The following DHRSX variants were observed in gnomAD, a reference collection of about 807,000 sequenced individuals.
DHRSX encodes the protein polyprenol dehydrogenase.
In DHRSX, 31 loss-of-function variants were observed where a neutral mutation model predicts 34.0. The ratio of observed to expected loss-of-function variants is 0.91; its 90% CI spans 0.69 to 1.23. DHRSX has a LOEUF of 1.23. Among genes scored for constraint, DHRSX ranks in the 50% most tolerant of loss-of-function variants. The pLI, the probability that DHRSX is intolerant of heterozygous loss-of-function variation, is 0.00. For synonymous variants in DHRSX, 201 were observed against 183.8 expected, an observed-to-expected ratio of 1.09 and a Z score of -0.76; for missense variants, 414 against 428.1, an observed-to-expected ratio of 0.97 and a Z score of 0.29.
chrX:2,277,159 A>G (rs1226618480), intron 4 of DHRSX, among the ~76,000 whole-genome samples: 2 of 4,806 alleles, frequency 4.2e-4, no homozygotes, highest in Non-Finnish European at 1.5e-3. Flanking sequence ...GAAATAGGGG[A>G]AAGAGAGAAA....
At position 2,443,686 on chromosome X, in the gene DHRSX, G is replaced by A. The variant is rs1226465144; in HGVS notation, c.110-18382C>T. On this transcript the variant is annotated intron_variant, in intron 1 of 6. Coordinates refer to ENST00000334651, the MANE Select transcript of DHRSX (RefSeq NM_145177.3). Reference sequence around the variant, plus strand: ...TTCTTTCCAACAGTGAGAATAACTCGTGTGAGAGAAGATGAGATGGTAAAA... The same window carrying A: ...TTCTTTCCAACAGTGAGAATAACTCATGTGAGAGAAGATGAGATGGTAAAA... Among the ~76,000 whole-genome samples, 12 of 152,194 alleles carry A rather than the reference G, an allele frequency of 7.9e-5. No homozygotes were observed. The South Asian group carries it at 2.3e-3, about 29-fold the overall frequency.
intron 1 of DHRSX, among the ~76,000 whole-genome samples, chrX:2,441,706 C>T (rs759280760): frequency 2.8e-4 from 43 of 152,208 alleles, no homozygotes; most frequent in African/African-American, 7.9e-4. Flanking sequence ...GAACAGCTAT[C>T]GGCTTCACTC....
intron 1 of DHRSX, chrX:2,490,282 C>T (rs2045098883): frequency 1.2e-6 from 2 of 1,613,558 alleles, no homozygotes; most frequent in African/African-American, 2.7e-5. Context: ...TGAAGGTGGG[C>T]TCGTCCACGA....
chrX:2,428,593 G>A (rs1231992766), intron 1 of DHRSX, among the ~76,000 whole-genome samples: 1 of 152,072 alleles, frequency 6.6e-6, no homozygotes, highest in African/African-American at 2.4e-5. Context: ...AAACAGGGAG[G>A]GGAACATCAC....
intron 2 of DHRSX, among the ~76,000 whole-genome samples, chrX:2,418,642 T>A (rs1396159625): frequency 2.0e-5 from 3 of 152,190 alleles, no homozygotes; most frequent in Non-Finnish European, 4.4e-5. Context: ...CCATCTTTGT[T>A]CAACCTTGAG....
intron 6 of DHRSX, among the ~76,000 whole-genome samples, chrX:2,230,513 G>GT: frequency 6.6e-6 from 1 of 152,278 alleles, no homozygotes; most frequent in South Asian, 2.1e-4. Context: ...TTGAGTTCAC[G>GT]TATCAATTGG....
rs777600498 is a variant in DHRSX at position 2,400,305 on chromosome X, T to G, written c.286+8440A>C. ...TGCCATCAACACTCACATCATCCTT[T>G]TTCCAAGTTTCGCAACCTCCTTAAC... On this transcript the variant is annotated intron_variant, in intron 3 of 6. Coordinates refer to ENST00000334651, the MANE Select transcript of DHRSX (RefSeq NM_145177.3). Among the ~76,000 whole-genome samples the G allele has an allele frequency of 2.0e-5, 3 of 152,250 alleles. No individual in the cohort carries two copies. In the South Asian group the frequency reaches 6.2e-4, roughly 32 times the overall value.
At chrX:2,340,476 T>C (rs2042627548) in intron 3 of DHRSX, among the ~76,000 whole-genome samples, 1 of 150,968 alleles carries the variant, frequency 6.6e-6, no homozygotes, top group South Asian at 2.1e-4. Flanking sequence ...ATATATATGA[T>C]GTCCATCAAT....
chrX:2,446,155 C>T (rs1036822753), intron 1 of DHRSX, among the ~76,000 whole-genome samples: 1 of 151,650 alleles, frequency 6.6e-6, no homozygotes, highest in African/African-American at 2.4e-5. Flanking sequence ...GGACTACCAC[C>T]ATGTACACAC....
intron 3 of DHRSX, among the ~76,000 whole-genome samples, chrX:2,318,192 GAAA>G (rs559205251): frequency 3.2e-4 from 35 of 108,620 alleles, no homozygotes; most frequent in Non-Finnish European, 4.1e-4. Context: ...CAAAAATACA[GAAA>G]AAAAAAAAAA....
chrX:2,227,720 A>G (rs2015711447), intron 6 of DHRSX, among the ~76,000 whole-genome samples: 1 of 9,926 alleles, frequency 1.0e-4, no homozygotes, highest in Non-Finnish European at 1.8e-4. Flanking sequence ...AGAAGGAAGG[A>G]TGGGAGGGAG....
chrX:2,439,205 A>G (rs146253293), intron 1 of DHRSX, among the ~76,000 whole-genome samples: 353 of 152,194 alleles, frequency 2.3e-3, no homozygotes, highest in African/African-American at 7.9e-3. Flanking sequence ...AAATAACATA[A>G]AAGCTTAAAA....
intron 3 of DHRSX, among the ~76,000 whole-genome samples, chrX:2,335,229 G>A (rs1182681019): frequency 6.6e-6 from 1 of 151,480 alleles, no homozygotes; most frequent in Non-Finnish European, 1.5e-5. Context: ...AGTTGAGGAC[G>A]CACCCATGAC....
At chrX:2,247,655 C>CAAAAAA (rs752111695) in intron 5 of DHRSX, among the ~76,000 whole-genome samples, 1 of 96,942 alleles carries the variant, frequency 1.0e-5, no homozygotes, top group African/African-American at 3.8e-5. Context: ...CTCCGTCTCA[C>CAAAAAA]AAAAAAAAAA....
intron 4 of DHRSX, among the ~76,000 whole-genome samples, chrX:2,282,965 A>T (rs1343728227): frequency 2.0e-5 from 3 of 151,692 alleles, no homozygotes; most frequent in Non-Finnish European, 4.4e-5. Flanking sequence ...AGACAGAGAG[A>T]AAAAGCAAAA....
chrX:2,224,325 C>T (rs769697800), intron 6 of DHRSX, among the ~76,000 whole-genome samples: 4 of 152,302 alleles, frequency 2.6e-5, no homozygotes, highest in African/African-American at 9.6e-5. Flanking sequence ...AGGAGGCTTC[C>T]TCTTTGTGGT....
chrX:2,390,326 G>C (rs779106908), intron 3 of DHRSX, among the ~76,000 whole-genome samples: 20 of 149,408 alleles, frequency 1.3e-4, no homozygotes, highest in African/African-American at 4.9e-4. Context: ...ATTTTTAGTA[G>C]GAGGTTTCTC....
At chrX:2,420,412 A>AAAT (rs998310916) in intron 2 of DHRSX, among the ~76,000 whole-genome samples, 71 of 139,158 alleles carry the variant, frequency 5.1e-4, no homozygotes, top group South Asian at 1.1e-3. Flanking sequence ...CCATCTCAAA[A>AAAT]AATAATAATA....
At chrX:2,295,709 A>T (rs1233184512) in intron 3 of DHRSX, among the ~76,000 whole-genome samples, 1 of 152,196 alleles carries the variant, frequency 6.6e-6, no homozygotes, top group African/African-American at 2.4e-5. Flanking sequence ...TTATTTTGTT[A>T]CACGGCATGT....
Sources: allele counts gnomAD v4.1 joint callset (sites outside exome capture counted in the v4.1 genomes callset), GRCh38; gene constraint gnomAD v4.1.1; transcripts MANE v1.5; gene names NCBI Gene and HGNC (gene_info 2026-07-23, HGNC 2026-07-21).